DHDDS: variants seen among roughly 807,000 people sequenced by gnomAD.
DHDDS encodes the protein dehydrodolichyl diphosphate synthase subunit, also known as dehydrodolichyl diphosphate synthase complex subunit DHDDS.
DHDDS carries 16 observed loss-of-function variants against 46.2 expected under a neutral mutation model. That is an observed-to-expected ratio of 0.35 (90% confidence interval 0.23 to 0.53). The LOEUF (loss-of-function observed/expected upper bound fraction) is 0.53, where lower values mean the gene tolerates loss of function less well. DHDDS is among the 20% of genes least tolerant of loss of function. DHDDS has a pLI of 0.94. For missense variants in DHDDS, 340 were observed against 423.7 expected, an observed-to-expected ratio of 0.80 and a Z score of 1.73; for synonymous variants, 151 against 163.1, an observed-to-expected ratio of 0.93 and a Z score of 0.56.
intron 2 of DHDDS, among the ~76,000 whole-genome samples, chr1:26,437,404 G>A (rs1011499208): frequency 3.9e-5 from 6 of 151,964 alleles, no homozygotes; most frequent in Admixed American, 6.6e-5. Context: ...CCAGCACTTC[G>A]GGAGGCTGAT....
intron 6 of DHDDS, chr1:26,448,308 G>A (rs2075289604): frequency 6.5e-6 from 1 of 153,672 alleles, no homozygotes; most frequent in Non-Finnish European, 1.4e-5. Flanking sequence ...CAAGCAGCTG[G>A]GACTACAGGT....
chr1:26,465,145 G>T (rs901874719), intron 8 of DHDDS, among the ~76,000 whole-genome samples: 1 of 152,178 alleles, frequency 6.6e-6, no homozygotes, highest in Admixed American at 6.5e-5. Flanking sequence ...ATGGATGGTA[G>T]GTCCTTGAGA....
intron 6 of DHDDS, chr1:26,455,283 C>A: frequency 1.8e-6 from 1 of 560,002 alleles, no homozygotes. Context: ...CAGAGTCTCA[C>A]ATAACTTGGA....
Position 26,433,102 on chromosome 1 carries a change from T to C in DHDDS, c.63+94T>C, listed in dbSNP as rs1244105542. 3 of 1,332,036 alleles carry C rather than the reference T, an allele frequency of 2.3e-6. No homozygotes were observed. In the African/African-American group the frequency reaches 4.3e-5, roughly 19 times the overall value. The allele number at this position is 1,332,036 out of a possible 1,614,324, so 82.5% of individuals were successfully genotyped here. A position where few individuals can be genotyped will look rare whatever the true frequency, so the allele number is the denominator to read the frequency against. ...TTAAAGTTGATGATGTTAAGTGCAA[T>C]TCATGATGTTAAGTGGAATTTAGCA... On this transcript the variant is annotated intron_variant, in intron 2 of 8. Coordinates refer to ENST00000236342, the MANE Select transcript of DHDDS (RefSeq NM_205861.3).
At chr1:26,463,648 A>G (rs2124520990) in intron 8 of DHDDS, among the ~76,000 whole-genome samples, 1 of 152,190 alleles carries the variant, frequency 6.6e-6, no homozygotes, top group East Asian at 1.9e-4. Flanking sequence ...CTGGGATTAC[A>G]GGCATGTGCC....
At chr1:26,460,011 C>A in intron 7 of DHDDS, 26 bp from the exon 8 acceptor site, 1 of 1,585,602 alleles carries the variant, frequency 6.3e-7, no homozygotes, top group Non-Finnish European at 8.7e-7. Context: ...GTTACTAAAT[C>A]ATACTCTCCT....
chr1:26,438,120 C>A, intron 2 of DHDDS, 48 bp from the exon 3 acceptor site: 1 of 1,590,526 alleles, frequency 6.3e-7, no homozygotes, highest in Non-Finnish European at 8.6e-7. Flanking sequence ...CTTCCTTTAT[C>A]CCTGAAGAAT....
intron 8 of DHDDS, chr1:26,467,094 G>A (rs2075498038): frequency 7.8e-6 from 2 of 256,292 alleles, no homozygotes; most frequent in South Asian, 8.6e-5. Context: ...CTCAAATTCT[G>A]TCTGTCCATG....
At position 26,455,017 on chromosome 1, in the gene DHDDS, G is replaced by A. The variant is rs138619831; in HGVS notation, c.543-2774G>A. ...CACCATTGTAACGTCGGAATGGTAC[G>A]CACTGTTTCTGTAAAGTGACATCTT... On this transcript the variant is annotated intron_variant, in intron 6 of 8. Transcript: ENST00000236342. 2.9e-3 allele frequency: 3,812 copies of A among 1,331,658 alleles called. 68 individuals carry two copies. The African/African-American group carries it at 0.044, about 15-fold the overall frequency. 82.5% of individuals were successfully genotyped at this position (1,331,658 alleles called of 1,614,324 possible).
At chr1:26,446,580 G>A (rs2075271141) in intron 5 of DHDDS, 148 bp downstream of exon 5, 6 of 715,896 alleles carry the variant, frequency 8.4e-6, no homozygotes, top group South Asian at 1.5e-5. Context: ...TTCTCCGTCT[G>A]CAGGGCACAC....
chr1:26,432,618 A>C (rs2075115330), intron 1 of DHDDS: 3 of 379,946 alleles, frequency 7.9e-6, no homozygotes, highest in East Asian at 1.2e-4. Flanking sequence ...TGTGGCAGGA[A>C]ACCGACTTAG....
chr1:26,460,102 C>T lies in DHDDS; in HGVS notation c.723C>T (p.Phe241=), dbSNP rs375378756. The part of the protein sequence containing the change: ...LWPEYTFWNL[F]EAILQFQMNH... The stretch of plus-strand genomic sequence containing the variant: ...CAGAGTATACATTTTGGAACCTCTT[C>T]GAGGCCATCCTGCAGTTCCAGATGA... The change falls in exon 8 of 9, where the codon TTC becomes TTT. Residue 241 remains phenylalanine, a synonymous_variant. Coordinates refer to ENST00000236342, the MANE Select transcript of DHDDS (RefSeq NM_205861.3). 9.9e-6 allele frequency: 16 copies of T among 1,614,012 alleles called. No individual in the cohort carries two copies. Among genetic ancestry groups the T allele is most frequent in the South Asian group, 4.4e-5 (4 of 91,084 alleles).
chr1:26,433,097 T>G (rs2075119950), intron 2 of DHDDS, 89 bp downstream of exon 2: 4 of 1,364,184 alleles, frequency 2.9e-6, no homozygotes, highest in Admixed American at 1.7e-5. Context: ...TGATGTTAAG[T>G]GCAATTCATG....
At chr1:26,448,117 A>G (rs554531089) in intron 6 of DHDDS, 287 of 231,676 alleles carry the variant, frequency 1.2e-3, no homozygotes, top group Non-Finnish European at 2.0e-3. Context: ...CTTTTCATGA[A>G]TGCAGTTTGT....
At chr1:26,455,968 T>G (rs963423886) in intron 6 of DHDDS, among the ~76,000 whole-genome samples, 3 of 152,156 alleles carry the variant, frequency 2.0e-5, no homozygotes, top group Admixed American at 2.0e-4. Flanking sequence ...TAAACAGCAT[T>G]CTTGGAGCCA....
intron 8 of DHDDS, among the ~76,000 whole-genome samples, chr1:26,464,212 C>T (rs2075457880): frequency 6.6e-6 from 1 of 151,874 alleles, no homozygotes; most frequent in Non-Finnish European, 1.5e-5. Flanking sequence ...AGGCTGGTCT[C>T]AAAATCCTGA....
In DHDDS at chr1:26,442,755, G is replaced by A; in HGVS notation, c.205G>A (p.Gly69Ser). 1.2e-6 allele frequency: 2 copies of A among 1,613,960 alleles called. No homozygotes were observed. Among genetic ancestry groups the A allele is most frequent in the Admixed American group, 1.7e-5 (1 of 59,998 alleles). ...AETLRWCLNL[G>S]ILEVTVYAFS... ...GACTCTGCGGTGGTGTTTGAACCTG[G>A]GCATCCTAGAGGTGACAGTCTACGC... Residue 69 changes from glycine to serine, a missense_variant, in exon 4 of 9, where the codon GGC becomes AGC. Gly to Ser is a moderately conservative substitution (Grantham distance 56). This residue lies in a region of DHDDS where 72 missense variants were observed against 123.5 expected (regional missense o/e 0.58). Coordinates refer to ENST00000236342, the MANE Select transcript of DHDDS (RefSeq NM_205861.3).
chr1:26,442,244 T>C (rs1188364034), intron 3 of DHDDS, among the ~76,000 whole-genome samples: 1 of 152,208 alleles, frequency 6.6e-6, no homozygotes, highest in Non-Finnish European at 1.5e-5. Context: ...CAGTTGTTGC[T>C]TTTTTTCTTT....
chr1:26,442,428 C>T (rs375412708), intron 3 of DHDDS, among the ~76,000 whole-genome samples: 3 of 152,166 alleles, frequency 2.0e-5, no homozygotes, highest in East Asian at 1.9e-4. Flanking sequence ...CACATAAGTG[C>T]ATGCTGGAGT....
Sources: gnomAD v4.1 joint callset for allele counts (sites outside exome capture counted in the v4.1 genomes callset) on GRCh38, gnomAD v4.1.1 for gene constraint, gnomAD v4.1.1 regional missense constraint, MANE v1.5 for transcripts, NCBI Gene and HGNC (gene_info 2026-07-23, HGNC 2026-07-21) for gene names.